Variants in PRPF18 observed in about 807,000 individuals in gnomAD.
The protein encoded by PRPF18 is pre-mRNA-splicing factor 18.
A neutral mutation model predicts 46.5 loss-of-function variants in PRPF18; 38 were observed. The ratio of observed to expected loss-of-function variants is 0.82; its 90% confidence interval spans 0.63 to 1.07. The LOEUF is 1.07. Ranked by LOEUF, PRPF18 falls within the 50% of genes least tolerant of loss-of-function variation. The pLI, the probability that PRPF18 is intolerant of heterozygous loss-of-function variation, is 0.00. For missense variants in PRPF18, 263 were observed against 410.0 expected, an observed-to-expected ratio of 0.64 and a Z score of 3.10; for synonymous variants, 152 against 146.7, an observed-to-expected ratio of 1.04 and a Z score of -0.26.
At chr10:13,604,761 T>C (rs1045521225) in intron 3 of PRPF18, among the ~76,000 whole-genome samples, 1 of 152,228 alleles carries the variant, frequency 6.6e-6, no homozygotes, top group Non-Finnish European at 1.5e-5. Context: ...AGTATATCTG[T>C]TTATGGAAAA....
At chr10:13,606,057 G>A (rs1188142344) in intron 4 of PRPF18, among the ~76,000 whole-genome samples, 1 of 151,948 alleles carries the variant, frequency 6.6e-6, no homozygotes, top group Non-Finnish European at 1.5e-5. Flanking sequence ...CTGGGTGATG[G>A]GATGATCTGT....
the PRPF18 span, among the ~76,000 whole-genome samples, chr10:13,650,101 G>A: frequency 5.3e-5 from 8 of 152,232 alleles, no homozygotes; most frequent in Admixed American, 3.3e-4. Flanking sequence ...AGCCAGGGCC[G>A]TCTGATACCA....
intron 8 of PRPF18, among the ~76,000 whole-genome samples, chr10:13,615,188 A>G (rs2080322409): frequency 1.3e-5 from 2 of 152,264 alleles, no homozygotes; most frequent in Non-Finnish European, 2.9e-5. Flanking sequence ...TAAGGTCACC[A>G]TCACTGCAGG....
the PRPF18 span, among the ~76,000 whole-genome samples, chr10:13,650,473 C>T: frequency 3.9e-5 from 6 of 152,192 alleles, no homozygotes; most frequent in Non-Finnish European, 7.3e-5. Flanking sequence ...CCTACATTCC[C>T]ACCGCAGCTC....
the PRPF18 span, chr10:13,655,669 G>A: frequency 6.6e-6 from 1 of 152,166 alleles, no homozygotes; most frequent in Non-Finnish European, 1.5e-5. Flanking sequence ...GTTCCCCAAA[G>A]ATGAACCCCC....
chr10:13,609,438 T>A (rs1485467927), intron 4 of PRPF18, among the ~76,000 whole-genome samples: 3 of 152,226 alleles, frequency 2.0e-5, no homozygotes, highest in Admixed American at 1.3e-4. Context: ...TATAGCCGCC[T>A]CACAGCCATG....
downstream of PRPF18, among the ~76,000 whole-genome samples, chr10:13,633,747 C>G (rs1241342053): frequency 6.6e-6 from 1 of 152,164 alleles, no homozygotes; most frequent in East Asian, 1.9e-4. Flanking sequence ...CCAGTATACT[C>G]CCATGAAGCC....
At chr10:13,589,424 A>G (rs2079925583) in intron 1 of PRPF18, among the ~76,000 whole-genome samples, 1 of 152,210 alleles carries the variant, frequency 6.6e-6, no homozygotes, top group African/African-American at 2.4e-5. Context: ...TTAAAAAGAT[A>G]TGGCCAAAGA....
intron 9 of PRPF18, among the ~76,000 whole-genome samples, chr10:13,627,892 C>T (rs1447831495): frequency 6.6e-6 from 1 of 152,206 alleles, no homozygotes; most frequent in Non-Finnish European, 1.5e-5. Flanking sequence ...TTGCCATGCT[C>T]TGCTGCTGAG....
At chr10:13,654,995 G>A in the PRPF18 span, 1 of 161,554 alleles carries the variant, frequency 6.2e-6, no homozygotes, top group Non-Finnish European at 1.4e-5. Context: ...ATCCAGAAAG[G>A]TTCTCAGAGC....
chr10:13,644,863 C>T, the PRPF18 span: 2 of 152,236 alleles, frequency 1.3e-5, no homozygotes, highest in African/African-American at 4.8e-5. Context: ...AAATATCCCC[C>T]AGTGAATCCC....
chr10:13,609,283 C>G (rs2080237722), intron 4 of PRPF18, among the ~76,000 whole-genome samples: 1 of 152,188 alleles, frequency 6.6e-6, no homozygotes, highest in Non-Finnish European at 1.5e-5. Context: ...CTTATTACAG[C>G]CCTACGTAGT....
Position 13,611,617 on chromosome 10 carries a change from G to T in PRPF18, c.513G>T (p.Ala171=), listed in dbSNP as rs368540337. ...AAGCATTGTTTCTTTTTCTTCAGGCGCTTGGAGAGTCCTTAGGGAAAGGCG... is the reference window on the plus strand; with the variant it reads ...AAGCATTGTTTCTTTTTCTTCAGGCTCTTGGAGAGTCCTTAGGGAAAGGCG... ...EENTTIEELE[A]LGESLGKGDD... The change falls in exon 6 of 10, where the codon GCG becomes GCT. Residue 171 remains alanine, a splice_region_variant and synonymous_variant. Transcript: ENST00000378572. 2.5e-6 allele frequency: 4 copies of T among 1,613,268 alleles called. No homozygotes were observed. The South Asian group carries it at 4.4e-5, about 18-fold the overall frequency.
chr10:13,609,946 A>G, intron 4 of PRPF18, 93 bp from the exon 5 acceptor site: 5 of 1,348,604 alleles, frequency 3.7e-6, no homozygotes, highest in Non-Finnish European at 5.1e-6. Context: ...GTGGGGGAAA[A>G]AATATTTGCA....
chr10:13,654,329 ACTGACATATC>A, the PRPF18 span: 1 of 890,680 alleles, frequency 1.1e-6, no homozygotes, highest in Non-Finnish European at 1.9e-6. Context: ...TCATCCATTT[ACTGACATATC>A]CTTATGTCAC....
At chr10:13,645,030 T>A in the PRPF18 span, 2 of 152,082 alleles carry the variant, frequency 1.3e-5, no homozygotes, top group Admixed American at 6.6e-5. Context: ...AGAGACTTGG[T>A]GGAGGAGGCC....
At chr10:13,614,482 C>T (rs2080312606) in intron 8 of PRPF18, among the ~76,000 whole-genome samples, 1 of 152,122 alleles carries the variant, frequency 6.6e-6, no homozygotes, top group Non-Finnish European at 1.5e-5. Flanking sequence ...CATAAAAGCC[C>T]CTTTAATCTG....
chr10:13,614,609 G>C (rs569241165), intron 8 of PRPF18, among the ~76,000 whole-genome samples: 5 of 152,174 alleles, frequency 3.3e-5, no homozygotes, highest in African/African-American at 1.2e-4. Flanking sequence ...CCATTTCAGC[G>C]TTGCAGACCC....
intron 1 of PRPF18, among the ~76,000 whole-genome samples, chr10:13,588,609 T>A (rs1312883422): frequency 6.6e-6 from 1 of 152,018 alleles, no homozygotes; most frequent in Non-Finnish European, 1.5e-5. Flanking sequence ...TAAAATTCCT[T>A]TCTAATAGTA....
Sources: gnomAD v4.1 joint callset for allele counts (sites outside exome capture counted in the v4.1 genomes callset) on GRCh38, gnomAD v4.1.1 for gene constraint, MANE v1.5 for transcripts, NCBI Gene and HGNC (gene_info 2026-07-23, HGNC 2026-07-21) for gene names.